The following SRGAP3 variants were observed in gnomAD, a reference collection of about 807,000 sequenced individuals.
The protein encoded by SRGAP3 is SLIT-ROBO Rho GTPase-activating protein 3.
A neutral mutation model predicts 121.1 loss-of-function variants in SRGAP3; 39 were observed. The observed-to-expected ratio is 0.32, with a 90% CI of 0.25 to 0.42. The LOEUF (loss-of-function observed/expected upper bound fraction) is 0.42. SRGAP3 is among the 10% of genes least tolerant of loss of function. The pLI, the probability that SRGAP3 is intolerant of heterozygous loss-of-function variation, is 1.00. For missense variants in SRGAP3, 1,213 were observed against 1,470.6 expected, an observed-to-expected ratio of 0.82 and a Z score of 2.86; for synonymous variants, 601 against 570.0, an observed-to-expected ratio of 1.05 and a Z score of -0.77.
At chr3:9,067,054 C>T (rs1277525201) in intron 4 of SRGAP3, among the ~76,000 whole-genome samples, 1 of 152,124 alleles carries the variant, frequency 6.6e-6, no homozygotes, top group African/African-American at 2.4e-5. Flanking sequence ...GTTATGAGCA[C>T]TAAATGAGTT....
intron 1 of SRGAP3, among the ~76,000 whole-genome samples, chr3:9,156,826 G>T (rs1434095071): frequency 2.0e-5 from 3 of 152,280 alleles, no homozygotes; most frequent in East Asian, 3.9e-4. Flanking sequence ...CAGCAGTGAG[G>T]AAAAGCCTGA....
intron 1 of SRGAP3, among the ~76,000 whole-genome samples, chr3:9,182,518 T>G (rs1198330005): frequency 6.6e-6 from 1 of 152,150 alleles, no homozygotes; most frequent in African/African-American, 2.4e-5. Context: ...GATAGAGTGA[T>G]TTCAGACATC....
intron 3 of SRGAP3, among the ~76,000 whole-genome samples, chr3:9,312,565 G>T (rs1955265854): frequency 6.6e-6 from 1 of 152,222 alleles, no homozygotes; most frequent in Non-Finnish European, 1.5e-5. Flanking sequence ...GCCAGACATT[G>T]GGTAGGTCAC....
chr3:9,029,472 A>G (rs1944372470), intron 12 of SRGAP3, among the ~76,000 whole-genome samples: 1 of 152,212 alleles, frequency 6.6e-6, no homozygotes, highest in South Asian at 2.1e-4. Flanking sequence ...TGTATAAAAC[A>G]AACTCCAGCA....
chr3:9,124,344 C>T (rs1193941230), intron 2 of SRGAP3, among the ~76,000 whole-genome samples: 2 of 152,162 alleles, frequency 1.3e-5, no homozygotes, highest in Admixed American at 6.5e-5. Flanking sequence ...AAATAAAGGA[C>T]AACTGGATCG....
At position 9,062,778 on chromosome 3, in the gene SRGAP3, A is replaced by C. The variant is rs544505938; in HGVS notation, c.672+1618T>G. ...ATTTTATTCAACCATCCATCAGCAG[A>C]TGAACATCTGAGTCATTTCCATCTT... is the stretch of plus-strand genomic sequence containing the variant. On this transcript the variant is annotated intron_variant, in intron 5 of 21. Coordinates refer to ENST00000383836, the MANE Select transcript of SRGAP3 (RefSeq NM_014850.4). Among the ~76,000 whole-genome samples, 3 of 152,366 alleles carry C rather than the reference A, an allele frequency of 2.0e-5. No homozygotes were observed. In the South Asian group the frequency reaches 6.2e-4, roughly 32 times the overall value.
intron 18 of SRGAP3, among the ~76,000 whole-genome samples, chr3:9,003,393 C>T (rs1942873091): frequency 6.6e-6 from 1 of 152,108 alleles, no homozygotes; most frequent in Admixed American, 6.5e-5. Flanking sequence ...GCAGGAGAAT[C>T]ACTTGAACCC....
At chr3:8,998,897 G>A (rs1296227732) in intron 18 of SRGAP3, among the ~76,000 whole-genome samples, 1 of 152,078 alleles carries the variant, frequency 6.6e-6, no homozygotes, top group Admixed American at 6.5e-5. Context: ...CCTAGGGTTG[G>A]GTCACACCAG....
intron 1 of SRGAP3, among the ~76,000 whole-genome samples, chr3:9,198,489 C>T (rs1951976142): frequency 6.6e-6 from 1 of 152,214 alleles, no homozygotes; most frequent in Admixed American, 6.5e-5. Context: ...TACAATCTAC[C>T]TAGCATTCAG....
At chr3:9,177,161 C>G (rs2125111969) in intron 1 of SRGAP3, among the ~76,000 whole-genome samples, 1 of 152,308 alleles carries the variant, frequency 6.6e-6, no homozygotes, top group Non-Finnish European at 1.5e-5. Flanking sequence ...CTACTGGGCA[C>G]CAGCTATGTG....
At chr3:9,276,155 C>G (rs988303513) in intron 3 of SRGAP3, among the ~76,000 whole-genome samples, 3 of 152,204 alleles carry the variant, frequency 2.0e-5, no homozygotes, top group Non-Finnish European at 2.9e-5. Flanking sequence ...CAGATGCTCA[C>G]CAGAAGCCAT....
At chr3:9,288,134 T>TG (rs1954808698) in intron 3 of SRGAP3, among the ~76,000 whole-genome samples, 1 of 150,478 alleles carries the variant, frequency 6.6e-6, no homozygotes, top group Non-Finnish European at 1.5e-5. Context: ...ATCTTTGTTT[T>TG]TTTTTTTTTT....
At chr3:9,208,020 C>T (rs1376554554) in intron 1 of SRGAP3, among the ~76,000 whole-genome samples, 1 of 152,162 alleles carries the variant, frequency 6.6e-6, no homozygotes, top group African/African-American at 2.4e-5. Flanking sequence ...TTACTTCCAG[C>T]AACGTCTGAA....
At chr3:9,015,984 T>C (rs1275839369) in intron 14 of SRGAP3, 5 of 525,534 alleles carry the variant, frequency 9.5e-6, no homozygotes, top group East Asian at 3.3e-5. Context: ...TTACAACTCA[T>C]CTTGCCACAT....
intron 4 of SRGAP3, 40 bp downstream of exon 4, chr3:9,079,985 A>G (rs770119737): frequency 6.2e-7 from 1 of 1,611,152 alleles, no homozygotes; most frequent in South Asian, 1.1e-5. Context: ...GAAGACAGAG[A>G]CCCAATCCCA....
In SRGAP3 at chr3:9,139,648, G is replaced by A. The variant is rs1490624854; in HGVS notation, c.68-14731C>T. Among the ~76,000 whole-genome samples, 4 of 152,346 alleles carry A rather than the reference G, an allele frequency of 2.6e-5. No homozygotes were observed. The East Asian group carries it at 7.7e-4, about 29-fold the overall frequency. On this transcript the variant is annotated intron_variant, in intron 1 of 21. Transcript: ENST00000383836. The stretch of plus-strand genomic sequence containing the variant: ...CTTCCAGAACTGTGAGAGAATAAAT[G>A]CGTGTTGTTTTAAGTCAGCAAGTAT...
intron 1 of SRGAP3, among the ~76,000 whole-genome samples, chr3:9,132,007 G>A (rs956196870): frequency 6.6e-6 from 1 of 152,164 alleles, no homozygotes; most frequent in African/African-American, 2.4e-5. Flanking sequence ...CGTATGGAGA[G>A]CAAGATTCCT....
chr3:9,220,951 T>A (rs1330576895), intron 1 of SRGAP3, among the ~76,000 whole-genome samples: 1 of 152,120 alleles, frequency 6.6e-6, no homozygotes, highest in Non-Finnish European at 1.5e-5. Context: ...CCACCTCCCA[T>A]CCTCTCAGGT....
chr3:9,246,384 G>A (rs1231996580), intron 1 of SRGAP3, among the ~76,000 whole-genome samples: 3 of 152,132 alleles, frequency 2.0e-5, no homozygotes, highest in East Asian at 1.9e-4. Context: ...CAAAGGCAAC[G>A]GGATGAAAGT....
Sources: gnomAD v4.1 joint callset for allele counts (sites outside exome capture counted in the v4.1 genomes callset) on GRCh38, gnomAD v4.1.1 for gene constraint, MANE v1.5 for transcripts, NCBI Gene and HGNC (gene_info 2026-07-23, HGNC 2026-07-21) for gene names.